LY6G6F: variants seen among roughly 807,000 people sequenced by gnomAD.
The protein encoded by LY6G6F is lymphocyte antigen 6 family member G6F.
A neutral mutation model predicts 33.0 loss-of-function variants in LY6G6F; 26 were observed. The ratio of observed to expected loss-of-function variants is 0.79; its 90% confidence interval spans 0.58 to 1.09. The LOEUF (loss-of-function observed/expected upper bound fraction) is 1.09, where lower values mean the gene tolerates loss of function less well. Ranked by LOEUF, LY6G6F falls within the 50% of genes least tolerant of loss-of-function variation. The pLI is 0.00. For synonymous variants in LY6G6F, 132 were observed against 148.1 expected (o/e 0.89, Z 0.79); for missense variants, 317 against 372.0 (o/e 0.85, Z 1.22).
rs1185947107 is a variant in LY6G6F at position 31,710,540 on chromosome 6, A to G, written c.870-27A>G. The G allele has an allele frequency of 1.9e-6, 3 of 1,613,916 alleles. No homozygotes were observed. Among genetic ancestry groups the G allele is most frequent in the Non-Finnish European group, 2.5e-6 (3 of 1,179,998 alleles). On this transcript the variant is annotated intron_variant, in intron 5 of 5. Coordinates refer to ENST00000375832, the MANE Select transcript of LY6G6F (RefSeq NM_001003693.3). The surrounding 1 kb of genome is among the most constrained non-coding windows in gnomAD (Gnocchi z 4.7). ...GGATGTGAAAAGTAGAGGTATCCTT[A>G]ATCTGTCTCTCTGGAAAACCCCACA...
Position 31,710,579 on chromosome 6 carries a change from C to A in LY6G6F, c.882C>A (p.His294Gln), listed in dbSNP as rs1021004951. The change falls in exon 6 of 6, where the codon CAC becomes CAA. Residue 294 changes from histidine to glutamine, a missense_variant. Physicochemically the swap from His to Gln is conservative, Grantham distance 24. Transcript: ENST00000375832. The surrounding 1 kb of genome is among the most constrained non-coding windows in gnomAD (Gnocchi z 4.7). ...GAAAACCCCACAGCCCACCTGCCCACAAGCCCAGGTGATTTTGGTGACATC... is the reference window on the plus strand; with the variant it reads ...GAAAACCCCACAGCCCACCTGCCCAAAAGCCCAGGTGATTTTGGTGACATC... ...IHLARLGPPA[H>Q]KPR 1 of 1,613,994 alleles carries A rather than the reference C, an allele frequency of 6.2e-7. No individual in the cohort carries two copies. The highest frequency in any genetic ancestry group is 1.3e-5 in the African/African-American group (1 of 74,884).
chr6:31,707,818 T>G lies in LY6G6F; in HGVS notation c.382+31T>G. 6.2e-7 allele frequency: 1 copy of G among 1,608,540 alleles called. No individual in the cohort carries two copies. Among genetic ancestry groups the G allele is most frequent in the Admixed American group, 1.7e-5 (1 of 59,862 alleles). On this transcript the variant is annotated intron_variant, in intron 2 of 5. Coordinates refer to ENST00000375832, the MANE Select transcript of LY6G6F (RefSeq NM_001003693.3). The surrounding 1 kb of genome is among the most constrained non-coding windows in gnomAD (Gnocchi z 4.1). ...TGGGGGCATGCAGACCAGGGGCTAC[T>G]GTGGCCCAGGAAGTCCAGGTGAAGA...
In LY6G6F at chr6:31,707,432, G is replaced by A. The variant is rs1805690237; in HGVS notation, c.53-26G>A. The stretch of plus-strand genomic sequence containing the variant: ...GGTTATTGATCTGATGGAGGTCTCT[G>A]GCCTCATACAACCCTCTTCCCACAG... On this transcript the variant is annotated intron_variant, in intron 1 of 5. Coordinates refer to ENST00000375832, the MANE Select transcript of LY6G6F (RefSeq NM_001003693.3). This position sits in a 1 kb window ranked among gnomAD's most constrained non-coding sequence, Gnocchi z 4.1. 2 of 1,601,148 alleles carry A rather than the reference G, an allele frequency of 1.2e-6. No homozygotes were observed. Among genetic ancestry groups the A allele is most frequent in the Non-Finnish European group, 1.7e-6 (2 of 1,169,944 alleles).
intron 3 of LY6G6F, among the ~76,000 whole-genome samples, chr6:31,708,926 C>A (rs28366158): frequency 0.16 from 24,707 of 149,802 alleles, 2,574 homozygotes; most frequent in African/African-American, 0.29. Flanking sequence ...AGCTCTATCT[C>A]AAAAAAAAAA....
chr6:31,708,164 G>A (rs1805760433), intron 3 of LY6G6F, 30 bp downstream of exon 3: 1 of 1,510,292 alleles, frequency 6.6e-7, no homozygotes. Flanking sequence ...GGAAAGGGAT[G>A]TTCTTTCACT....
intron 3 of LY6G6F, among the ~76,000 whole-genome samples, chr6:31,708,819 G>A (rs1056398664): frequency 1.3e-5 from 2 of 152,014 alleles, no homozygotes; most frequent in East Asian, 1.9e-4. Context: ...CCAGCTACTC[G>A]GGAGGCTGAG....
At chr6:31,708,925 T>TGA (rs147930667) in intron 3 of LY6G6F, among the ~76,000 whole-genome samples, 23,681 of 151,446 alleles carry the variant, frequency 0.16, 2,332 homozygotes, top group African/African-American at 0.27. Context: ...AAGCTCTATC[T>TGA]CAAAAAAAAA....
At chr6:31,708,956 G>A (rs1335044573) in intron 3 of LY6G6F, among the ~76,000 whole-genome samples, 1 of 151,964 alleles carries the variant, frequency 6.6e-6, no homozygotes, top group Non-Finnish European at 1.5e-5. Flanking sequence ...TAGTAGAGAC[G>A]GGGTTTCACC....
At chr6:31,708,389 G>A (rs148299041) in intron 3 of LY6G6F, among the ~76,000 whole-genome samples, 2 of 152,124 alleles carry the variant, frequency 1.3e-5, no homozygotes, top group African/African-American at 4.8e-5. Flanking sequence ...ATCTTGCTAT[G>A]TTGCCCAGTC....
Position 31,708,059 on chromosome 6 carries a change from G to C in LY6G6F, c.571G>C (p.Glu191Gln). ...GGTGTGTCCTGGGGAGGGGCTTTCT[G>C]AGCCCAGGAGCCGAAGACCAAGAAT... ...LLVCPGEGLSEPRSRRPRIIR... is the reference protein window; with the variant it reads ...LLVCPGEGLSQPRSRRPRIIR... The change falls in exon 3 of 6, where the codon GAG (glutamate) becomes CAG (glutamine). Residue 191 changes from glutamate (E) to glutamine (Q), a missense_variant. Physicochemically the swap from Glu to Gln is conservative, Grantham distance 29. Transcript: ENST00000375832. 1 of 1,610,072 alleles carries C rather than the reference G, an allele frequency of 6.2e-7. No homozygotes were observed. Among genetic ancestry groups the C allele is most frequent in the Non-Finnish European group, 8.5e-7 (1 of 1,178,552 alleles).
At position 31,710,602 on chromosome 6, in the gene LY6G6F, A is replaced by G. The variant is rs376870902; in HGVS notation, c.*11A>G. On this transcript the variant is annotated 3_prime_UTR_variant, in exon 6 of 6. Transcript: ENST00000375832. The surrounding 1 kb of genome is among the most constrained non-coding windows in gnomAD (Gnocchi z 4.7). ...CACAAGCCCAGGTGATTTTGGTGAC[A>G]TCTGCTGGGAAGTGTGACCTGCTGT... is the stretch of plus-strand genomic sequence containing the variant. 3.7e-5 allele frequency: 60 copies of G among 1,614,024 alleles called. No individual in the cohort carries two copies. The highest frequency in any genetic ancestry group is 1.6e-4 in the Middle Eastern group (1 of 6,062).
rs761459382 is a variant in LY6G6F at position 31,710,166 on chromosome 6, G to T, written c.787G>T (p.Gly263Trp). 1.9e-6 allele frequency: 3 copies of T among 1,612,244 alleles called. No individual in the cohort carries two copies. The highest frequency in any genetic ancestry group is 2.5e-6 in the Non-Finnish European group (3 of 1,179,556). The change falls in exon 4 of 6, where the codon GGG (glycine) becomes TGG (tryptophan). Residue 263 changes from glycine to tryptophan, a missense_variant. Transcript: ENST00000375832. This position sits in a 1 kb window ranked among gnomAD's most constrained non-coding sequence, Gnocchi z 4.7. ...SIVLWRQRVR[G>W]APGRDASIPQ... ...CGTGCTCTGGAGGCAGAGGGTCCGT[G>T]GGGCTCCAGGCAGAGGTGAGTCCCT...
chr6:31,710,620 C>T lies in LY6G6F; in HGVS notation c.*29C>T. The T allele has an allele frequency of 1.2e-6, 2 of 1,613,966 alleles. No individual in the cohort carries two copies. The highest frequency in any genetic ancestry group is 1.1e-5 in the South Asian group (1 of 91,076). Reference sequence around the variant, plus strand: ...TGGTGACATCTGCTGGGAAGTGTGACCTGCTGTCTCGCTGGCCATCTGGCA... The same window carrying T: ...TGGTGACATCTGCTGGGAAGTGTGATCTGCTGTCTCGCTGGCCATCTGGCA... On this transcript the variant is annotated 3_prime_UTR_variant, in exon 6 of 6. Transcript: ENST00000375832. The surrounding 1 kb of genome is among the most constrained non-coding windows in gnomAD (Gnocchi z 4.7).
chr6:31,709,097 G>A (rs1439199779), intron 3 of LY6G6F, among the ~76,000 whole-genome samples: 7 of 108,546 alleles, frequency 6.4e-5, no homozygotes, highest in Non-Finnish European at 5.4e-5. Context: ...TTTTGGGATG[G>A]AGACTTGTTC....
chr6:31,709,887 A>T (rs1428866389), intron 3 of LY6G6F, 139 bp from the exon 4 acceptor site: 2 of 850,364 alleles, frequency 2.4e-6, no homozygotes, highest in Non-Finnish European at 1.8e-6. Flanking sequence ...AGGGTGGAGG[A>T]TATTGTGGGC....
At chr6:31,709,927 G>A (rs1805900285) in intron 3 of LY6G6F, 99 bp from the exon 4 acceptor site, 2 of 1,225,496 alleles carry the variant, frequency 1.6e-6, no homozygotes, top group Non-Finnish European at 2.3e-6. Context: ...TCTGTTGGAA[G>A]AGCCCACCAG....
In LY6G6F at chr6:31,707,295, CTCTCCACCTG is replaced by C. The variant is rs1010826250; in HGVS notation, c.53-159_53-150del. The stretch of plus-strand genomic sequence containing the variant: ...AGAGGAGGAAAGCCCTTACCCTCTT[CTCTCCACCTG>C]TCTTATTTTTGTAGCTGTCACTTGA... On this transcript the variant is annotated intron_variant, in intron 1 of 5. Coordinates refer to ENST00000375832, the MANE Select transcript of LY6G6F (RefSeq NM_001003693.3). This position sits in a 1 kb window ranked among gnomAD's most constrained non-coding sequence, Gnocchi z 4.1. Among the ~76,000 whole-genome samples, 2 of 152,206 alleles carry C rather than the reference CTCTCCACCTG, an allele frequency of 1.3e-5. No homozygotes were observed. Among genetic ancestry groups the C allele is most frequent in the Non-Finnish European group, 2.9e-5 (2 of 68,030 alleles).
In LY6G6F at chr6:31,707,149, T is replaced by C. The variant is rs1805674610; in HGVS notation, c.52+191T>C. Among the ~76,000 whole-genome samples, 1 of 152,218 alleles carries C rather than the reference T, an allele frequency of 6.6e-6. No homozygotes were observed. Among genetic ancestry groups the C allele is most frequent in the Non-Finnish European group, 1.5e-5 (1 of 68,042 alleles). The stretch of plus-strand genomic sequence containing the variant: ...GGTCCAGGTTATGCAGTTTCCTTTA[T>C]AAAATAAGAAGAATGAGTAAATGCT... On this transcript the variant is annotated intron_variant, in intron 1 of 5. Transcript: ENST00000375832. This position sits in a 1 kb window ranked among gnomAD's most constrained non-coding sequence, Gnocchi z 4.1.
In LY6G6F at chr6:31,707,768, C is replaced by T. The variant is rs1192529174; in HGVS notation, c.363C>T (p.Tyr121=). ...ACAACTACCAGAACTGGAGGGTGTA[C>T]GACGTCTTGGTGCTCAAAGGTGAGT... The part of the protein sequence containing the change: ...QHHNYQNWRV[Y]DVLVLKGSQL... The change falls in exon 2 of 6, where the codon TAC becomes TAT. Residue 121 remains tyrosine (Y), a synonymous_variant. Transcript: ENST00000375832. The surrounding 1 kb of genome is among the most constrained non-coding windows in gnomAD (Gnocchi z 4.1). 2.9e-5 allele frequency: 46 copies of T among 1,613,148 alleles called. No homozygotes were observed. The highest frequency in any genetic ancestry group is 3.7e-5 in the Non-Finnish European group (44 of 1,179,172).
Sources: gnomAD v4.1 joint callset for allele counts (sites outside exome capture counted in the v4.1 genomes callset) on GRCh38, gnomAD v4.1.1 for gene constraint, Gnocchi (gnomAD v3.1) non-coding constraint, MANE v1.5 for transcripts, NCBI Gene and HGNC (gene_info 2026-07-23, HGNC 2026-07-21) for gene names.